RARB: variants seen among roughly 807,000 people sequenced by gnomAD.
RARB encodes the protein HBV-activated protein.
A neutral mutation model predicts 51.9 loss-of-function variants in RARB; 17 were observed. That is an observed-to-expected ratio of 0.33 (90% CI 0.22 to 0.49). The LOEUF is 0.49. RARB is among the 20% of genes least tolerant of loss of function. The pLI is 0.99. For missense variants in RARB, 369 were observed against 550.8 expected, an observed-to-expected ratio of 0.67 and a Z score of 3.30; for synonymous variants, 215 against 195.4, an observed-to-expected ratio of 1.10 and a Z score of -0.84.
At chr3:25,167,273 C>T (rs186977883) in intron 4 of RARB, among the ~76,000 whole-genome samples, 4 of 152,162 alleles carry the variant, frequency 2.6e-5, no homozygotes, top group Admixed American at 2.0e-4. Flanking sequence ...GATTAAAAGA[C>T]GTGCACTTTT....
intron 3 of RARB, among the ~76,000 whole-genome samples, chr3:25,545,117 A>AT (rs1355738852): frequency 6.6e-6 from 1 of 151,836 alleles, no homozygotes; most frequent in Non-Finnish European, 1.5e-5. Context: ...TAATGTTTGT[A>AT]TTTTTTTAGT....
At chr3:24,869,709 A>T (rs1355343904) in intron 2 of RARB, among the ~76,000 whole-genome samples, 2 of 152,094 alleles carry the variant, frequency 1.3e-5, no homozygotes, top group East Asian at 3.9e-4. Flanking sequence ...AGACCTTAAA[A>T]TATTTTTAAA....
intron 3 of RARB, among the ~76,000 whole-genome samples, chr3:25,127,245 G>T (rs140660453): frequency 2.0e-5 from 3 of 152,088 alleles, no homozygotes; most frequent in East Asian, 3.9e-4. Flanking sequence ...AGAGATACCT[G>T]ATCTGGCCCT....
chr3:24,916,780 A>AAAC (rs1559395160), intron 2 of RARB, among the ~76,000 whole-genome samples: 1 of 151,858 alleles, frequency 6.6e-6, no homozygotes, highest in African/African-American at 2.4e-5. Flanking sequence ...AAAAAAAAAA[A>AAAC]AAAAAACCTT....
chr3:24,858,568 G>A (rs1473362737), intron 1 of RARB: 2 of 152,160 alleles, frequency 1.3e-5, no homozygotes, highest in Non-Finnish European at 1.5e-5. Context: ...GTCACGTCAT[G>A]GAAAGGAGGT....
At chr3:25,594,404 G>T in intron 6 of RARB, 116 bp from the exon 7 acceptor site, 2 of 1,125,186 alleles carry the variant, frequency 1.8e-6, no homozygotes, top group Non-Finnish European at 2.4e-6. Context: ...GCAAATTTGT[G>T]TATGTAATTG....
chr3:25,521,401 T>C (rs1049805520), intron 3 of RARB, among the ~76,000 whole-genome samples: 8 of 152,160 alleles, frequency 5.3e-5, no homozygotes, highest in Non-Finnish European at 7.4e-5. Flanking sequence ...GTTTCAAGGG[T>C]GAATCAACAT....
chr3:25,191,630 C>G (rs750729388), intron 5 of RARB, among the ~76,000 whole-genome samples: 3 of 152,098 alleles, frequency 2.0e-5, no homozygotes, highest in Non-Finnish European at 4.4e-5. Flanking sequence ...GTTACAGTAA[C>G]TAAGCTGGGC....
chr3:25,162,357 G>A (rs9830836), intron 4 of RARB, among the ~76,000 whole-genome samples: 18,276 of 152,042 alleles, frequency 0.12, 1,155 homozygotes, highest in South Asian at 0.24. Context: ...AATCCTCCTC[G>A]CTTGGCCTCT....
intron 3 of RARB, among the ~76,000 whole-genome samples, chr3:25,070,140 A>G (rs545640658): frequency 2.6e-5 from 4 of 152,170 alleles, no homozygotes; most frequent in African/African-American, 9.6e-5. Context: ...TATTACTCCA[A>G]TCTCTGCCTT....
chr3:25,373,019 A>T (rs899349238), intron 5 of RARB, among the ~76,000 whole-genome samples: 2 of 152,142 alleles, frequency 1.3e-5, no homozygotes, highest in Non-Finnish European at 2.9e-5. Flanking sequence ...ACTGACAAGG[A>T]GAATGACTGA....
chr3:24,914,658 T>C (rs904800576), intron 2 of RARB, among the ~76,000 whole-genome samples: 5 of 152,190 alleles, frequency 3.3e-5, no homozygotes, highest in African/African-American at 1.2e-4. Flanking sequence ...CCTAATACTA[T>C]GTAAATGCTA....
intron 2 of RARB, among the ~76,000 whole-genome samples, chr3:24,956,537 GA>G (rs1213112836): frequency 6.6e-6 from 1 of 152,144 alleles, no homozygotes; most frequent in Admixed American, 6.5e-5. Context: ...ACCAGGATCT[GA>G]AACCTGGTCT....
chr3:24,933,502 G>A (rs979040000), intron 2 of RARB, among the ~76,000 whole-genome samples: 4 of 152,008 alleles, frequency 2.6e-5, no homozygotes, highest in South Asian at 2.1e-4. Flanking sequence ...AGTGACTCTC[G>A]CCCTTCAGAG....
rs188998698 is a variant in RARB at position 25,352,876 on chromosome 3, G to A, written c.179-108317G>A. ...TGAATTCCAGATGTGACTCTGCAGC[G>A]TATGAACTGGACTGTCCTTGGACAT... On this transcript the variant is annotated intron_variant, in intron 5 of 11. Coordinates refer to the RARB transcript ENST00000383772. 2.6e-3 allele frequency among the ~76,000 whole-genome samples: 390 copies of A among 152,234 alleles called. 1 individual carries two copies. The highest frequency in any genetic ancestry group is 4.6e-3 in the Non-Finnish European group (314 of 68,008).
chr3:25,578,996 T>A (rs1042320184), intron 4 of RARB, among the ~76,000 whole-genome samples: 1 of 152,226 alleles, frequency 6.6e-6, no homozygotes, highest in Non-Finnish European at 1.5e-5. Context: ...TATCTTAATA[T>A]GTATTCTAAA....
At chr3:24,872,233 G>C (rs2362770) in intron 2 of RARB, among the ~76,000 whole-genome samples, 111,617 of 151,980 alleles carry the variant, frequency 0.73, 42,054 homozygotes, top group African/African-American at 0.89. Context: ...CCTTGCACAC[G>C]GTGGCAGCCT....
At chr3:24,893,402 A>AT (rs902324129) in intron 2 of RARB, among the ~76,000 whole-genome samples, 18 of 151,774 alleles carry the variant, frequency 1.2e-4, no homozygotes, top group South Asian at 1.0e-3. Flanking sequence ...GACAGCTTTA[A>AT]TTTTTTTTTG....
At chr3:25,117,801 A>T (rs534543841) in intron 3 of RARB, among the ~76,000 whole-genome samples, 1 of 152,062 alleles carries the variant, frequency 6.6e-6, no homozygotes, top group Non-Finnish European at 1.5e-5. Context: ...ACACCAAAGA[A>T]ATTAATTACT....
Sources: gnomAD v4.1 joint callset for allele counts (sites outside exome capture counted in the v4.1 genomes callset) on GRCh38, gnomAD v4.1.1 for gene constraint, MANE v1.5 for transcripts, NCBI Gene and HGNC (gene_info 2026-07-23, HGNC 2026-07-21) for gene names.